VPS13B: variants seen among roughly 807,000 people sequenced by gnomAD.
VPS13B encodes intermembrane lipid transfer protein VPS13B.
VPS13B carries 285 observed loss-of-function variants against 426.4 expected under a neutral mutation model. The observed-to-expected ratio is 0.67, with a 90% CI of 0.61 to 0.74. The LOEUF is 0.74. Among genes scored for constraint, VPS13B ranks in the 30% least tolerant of loss-of-function variants. VPS13B has a pLI of 0.00. For missense variants in VPS13B, 4,537 were observed against 4,782.6 expected (o/e 0.95, Z 1.51); for synonymous variants, 1,676 against 1,676.4 (o/e 1.00, Z 0.01).
At chr8:99,178,871 C>T (rs1812785369) in intron 16 of VPS13B, among the ~76,000 whole-genome samples, 1 of 152,118 alleles carries the variant, frequency 6.6e-6, no homozygotes, top group South Asian at 2.1e-4. Flanking sequence ...AGCCACCCGC[C>T]TCGGCCTCCC....
chr8:99,523,261 C>G (rs185641640), intron 30 of VPS13B, among the ~76,000 whole-genome samples: 21 of 152,338 alleles, frequency 1.4e-4, no homozygotes, highest in Non-Finnish European at 2.8e-4. Flanking sequence ...TGGACAGCAT[C>G]TCTGGATGCA....
chr8:99,563,140 G>A (rs532342693), intron 31 of VPS13B, among the ~76,000 whole-genome samples: 9 of 152,150 alleles, frequency 5.9e-5, no homozygotes, highest in East Asian at 5.8e-4. Flanking sequence ...CTCCATCCTC[G>A]TCAACAGAGC....
At chr8:99,206,720 A>G (rs2132778586) in intron 17 of VPS13B, among the ~76,000 whole-genome samples, 1 of 152,272 alleles carries the variant, frequency 6.6e-6, no homozygotes, top group South Asian at 2.1e-4. Flanking sequence ...TTATGGAGGT[A>G]TTCTTCCCAG....
At chr8:99,489,072 G>T (rs1305959573) in intron 25 of VPS13B, among the ~76,000 whole-genome samples, 1 of 152,098 alleles carries the variant, frequency 6.6e-6, no homozygotes, top group Non-Finnish European at 1.5e-5. Context: ...AAGGTTTAAG[G>T]AAGGGATCCA....
At position 99,508,002 on chromosome 8, in the gene VPS13B, T is replaced by G. The variant is rs558872253; in HGVS notation, c.4224+799T>G. 3.0e-5 allele frequency: 47 copies of G among 1,576,290 alleles called. No homozygotes were observed. The South Asian group carries it at 5.1e-4, about 17-fold the overall frequency. ...TGATTCATAGAGTCAACTCTTGATTTGTGTTTTCCTCCATATCATAAACTT... is the reference window on the plus strand; with the variant it reads ...TGATTCATAGAGTCAACTCTTGATTGGTGTTTTCCTCCATATCATAAACTT... On this transcript the variant is annotated intron_variant, in intron 28 of 61. Coordinates refer to ENST00000357162, the MANE Select transcript of VPS13B (RefSeq NM_152564.5).
intron 35 of VPS13B, among the ~76,000 whole-genome samples, chr8:99,694,895 A>G (rs1831882745): frequency 6.6e-6 from 1 of 152,150 alleles, no homozygotes; most frequent in Non-Finnish European, 1.5e-5. Context: ...AAGGACATGA[A>G]CAGACACTTC....
At chr8:99,422,837 C>T (rs531673968) in intron 21 of VPS13B, among the ~76,000 whole-genome samples, 9 of 152,248 alleles carry the variant, frequency 5.9e-5, no homozygotes, top group East Asian at 3.9e-4. Context: ...CACAGGCTTA[C>T]GTTTTTACAC....
chr8:99,811,281 T>C (rs1813685381), intron 44 of VPS13B, among the ~76,000 whole-genome samples: 1 of 152,160 alleles, frequency 6.6e-6, no homozygotes, highest in Non-Finnish European at 1.5e-5. Context: ...CCTAGAACTA[T>C]GAGGCATATA....
intron 3 of VPS13B, among the ~76,000 whole-genome samples, 155 bp downstream of exon 3, chr8:99,038,721 T>C (rs1842849815): frequency 7.4e-6 from 1 of 135,756 alleles, no homozygotes; most frequent in South Asian, 2.5e-4. Flanking sequence ...AGAGTCTTGC[T>C]CTGTTGCCAG....
At chr8:99,102,877 G>A (rs1846833063) in intron 4 of VPS13B, 76 bp from the exon 5 acceptor site, 1 of 1,365,036 alleles carries the variant, frequency 7.3e-7, no homozygotes, top group East Asian at 2.3e-5. Flanking sequence ...CATACATTAA[G>A]TTCAATAACA....
chr8:99,037,844 T>A lies in VPS13B; in HGVS notation c.148-579T>A, dbSNP rs1004236412. Among the ~76,000 whole-genome samples, 7 of 152,106 alleles carry A rather than the reference T, an allele frequency of 4.6e-5. No homozygotes were observed. In the South Asian group the frequency reaches 1.5e-3, roughly 32 times the overall value. On this transcript the variant is annotated intron_variant, in intron 2 of 61. Coordinates refer to ENST00000357162, the MANE Select transcript of VPS13B (RefSeq NM_152564.5). ...ATTAGGTGAAGTGGAATACTTTTTT[T>A]TTTTTTTTTTAAGTTGATCAGTTTT... is the stretch of plus-strand genomic sequence containing the variant.
At chr8:99,628,464 C>T (rs1228869724) in intron 33 of VPS13B, among the ~76,000 whole-genome samples, 1 of 152,180 alleles carries the variant, frequency 6.6e-6, no homozygotes, top group Non-Finnish European at 1.5e-5. Flanking sequence ...CTCCTGCCTC[C>T]TGTTCCCTTT....
At chr8:99,398,057 A>T (rs968195170) in intron 21 of VPS13B, among the ~76,000 whole-genome samples, 2 of 152,206 alleles carry the variant, frequency 1.3e-5, no homozygotes, top group African/African-American at 2.4e-5. Flanking sequence ...AAAAATAGAG[A>T]ATAAAAATAT....
At chr8:99,257,753 AT>A (rs1357416738) in intron 17 of VPS13B, among the ~76,000 whole-genome samples, 1 of 149,396 alleles carries the variant, frequency 6.7e-6, no homozygotes, top group East Asian at 1.9e-4. Flanking sequence ...CCTGTGTAGT[AT>A]TTTTAAATGA....
At chr8:99,570,860 G>C (rs1247098515) in intron 31 of VPS13B, among the ~76,000 whole-genome samples, 1 of 152,066 alleles carries the variant, frequency 6.6e-6, no homozygotes, top group Admixed American at 6.6e-5. Flanking sequence ...CAAAATTCTG[G>C]TGCTACTGCT....
intron 19 of VPS13B, among the ~76,000 whole-genome samples, chr8:99,335,814 G>A (rs566063405): frequency 2.0e-4 from 31 of 152,272 alleles, no homozygotes; most frequent in African/African-American, 6.7e-4. Flanking sequence ...CAAGGGTCGT[G>A]AAGGACCTCT....
chr8:99,139,883 G>GT (rs1385255758), intron 12 of VPS13B, among the ~76,000 whole-genome samples: 3 of 150,880 alleles, frequency 2.0e-5, no homozygotes, highest in African/African-American at 7.3e-5. Flanking sequence ...TAAAACTCTT[G>GT]TTTTTTTGTG....
At chr8:99,404,370 A>T (rs1563711261) in intron 21 of VPS13B, among the ~76,000 whole-genome samples, 3 of 152,210 alleles carry the variant, frequency 2.0e-5, no homozygotes, top group Admixed American at 1.3e-4. Flanking sequence ...TAGTTTCCAG[A>T]TGAAATTCTG....
chr8:99,851,483 A>G (rs1027872249), intron 55 of VPS13B, among the ~76,000 whole-genome samples: 5 of 152,230 alleles, frequency 3.3e-5, no homozygotes, highest in Non-Finnish European at 5.9e-5. Context: ...GAGGGGCTGG[A>G]AGTGCCAGGG....
Sources: gnomAD v4.1 joint callset for allele counts (sites outside exome capture counted in the v4.1 genomes callset) on GRCh38, gnomAD v4.1.1 for gene constraint, MANE v1.5 for transcripts, NCBI Gene and HGNC (gene_info 2026-07-23, HGNC 2026-07-21) for gene names.